Variants in ACSM3 observed in about 807,000 individuals in gnomAD.
The protein encoded by ACSM3 is acyl-CoA synthetase medium chain family member 3.
ACSM3 carries 61 observed loss-of-function variants against 74.1 expected under a neutral mutation model. The ratio of observed to expected loss-of-function variants is 0.82; its 90% CI spans 0.67 to 1.02. The LOEUF is 1.02. ACSM3 is among the 50% of genes least tolerant of loss of function. ACSM3 has a pLI of 0.00. For synonymous variants in ACSM3, 213 were observed against 241.5 expected, an observed-to-expected ratio of 0.88 and a Z score of 1.09; for missense variants, 660 against 697.0, an observed-to-expected ratio of 0.95 and a Z score of 0.60.
At chr16:20,695,479 A>G (rs571448232) in intron 1 of ACSM3, among the ~76,000 whole-genome samples, 1 of 152,282 alleles carries the variant, frequency 6.6e-6, no homozygotes, top group Non-Finnish European at 1.5e-5. Context: ...AGGTCTAAAG[A>G]GAAGGAATGG....
At chr16:20,705,649 G>A (rs1412755868) in intron 1 of ACSM3, among the ~76,000 whole-genome samples, 1 of 151,992 alleles carries the variant, frequency 6.6e-6, no homozygotes, top group African/African-American at 2.4e-5. Flanking sequence ...CCAAAATCCA[G>A]AGTCTCTACA....
chr16:20,779,425 C>CAA (rs3050137), intron 4 of ACSM3, among the ~76,000 whole-genome samples: 56 of 131,978 alleles, frequency 4.2e-4, no homozygotes, highest in East Asian at 1.1e-3. Context: ...AACCCTGTCT[C>CAA]AAAAAAAAAA....
chr16:20,741,600 A>G (rs772263684), intron 1 of ACSM3: 2 of 1,574,356 alleles, frequency 1.3e-6, no homozygotes, highest in South Asian at 2.3e-5. Flanking sequence ...GCAGGTGATG[A>G]GGATGCCCTG....
intron 1 of ACSM3, among the ~76,000 whole-genome samples, chr16:20,685,728 G>C (rs1216239390): frequency 1.3e-5 from 2 of 150,052 alleles, no homozygotes; most frequent in Admixed American, 1.3e-4. Context: ...GCTGAGGTAG[G>C]AGAATTGCTT....
At chr16:20,728,863 T>C (rs1208614158) in intron 1 of ACSM3, among the ~76,000 whole-genome samples, 2 of 152,124 alleles carry the variant, frequency 1.3e-5, no homozygotes, top group Non-Finnish European at 2.9e-5. Flanking sequence ...TTGCAACATT[T>C]TGGGAGGCTG....
intron 4 of ACSM3, among the ~76,000 whole-genome samples, chr16:20,779,419 C>G (rs1476246385): frequency 3.1e-5 from 3 of 97,598 alleles, no homozygotes; most frequent in Non-Finnish European, 7.1e-5. Flanking sequence ...GAGAGAAACC[C>G]TGTCTCAAAA....
intron 1 of ACSM3, among the ~76,000 whole-genome samples, chr16:20,693,758 A>G (rs1282526784): frequency 1.3e-5 from 2 of 152,186 alleles, no homozygotes; most frequent in Non-Finnish European, 2.9e-5. Context: ...GCCCCTGTGT[A>G]TATTTGAGCT....
chr16:20,690,908 T>G, intron 1 of ACSM3: 1 of 1,288,762 alleles, frequency 7.8e-7, no homozygotes, highest in South Asian at 1.4e-5. Context: ...GAAGTAACTT[T>G]GGTTCCATAC....
At chr16:20,746,182 A>G (rs1170833225) in intron 1 of ACSM3, among the ~76,000 whole-genome samples, 1 of 149,802 alleles carries the variant, frequency 6.7e-6, no homozygotes. Flanking sequence ...AGGAAAATCC[A>G]GTAAGATCAG....
At chr16:20,705,806 T>A (rs2079725725) in intron 1 of ACSM3, among the ~76,000 whole-genome samples, 1 of 152,158 alleles carries the variant, frequency 6.6e-6, no homozygotes, top group African/African-American at 2.4e-5. Context: ...AGGATTTCAA[T>A]AACAGTGCTA....
At chr16:20,760,665 CAGAG>C (rs1011488794), upstream of ACSM3, among the ~76,000 whole-genome samples, 1 of 152,080 alleles carries the variant, frequency 6.6e-6, no homozygotes, top group Non-Finnish European at 1.5e-5. Flanking sequence ...CCACTGACCA[CAGAG>C]AGAAGACAGG....
At chr16:20,682,374 T>C in intron 1 of ACSM3, 1 of 1,613,990 alleles carries the variant, frequency 6.2e-7, no homozygotes, top group Non-Finnish European at 8.5e-7. Context: ...AGGGCATCTA[T>C]GGTCACAATG....
At chr16:20,717,203 C>G (rs2079764942) in intron 1 of ACSM3, among the ~76,000 whole-genome samples, 1 of 152,208 alleles carries the variant, frequency 6.6e-6, no homozygotes, top group South Asian at 2.1e-4. Context: ...GGGAAGAAGG[C>G]TGCATCTCTT....
At chr16:20,682,574 G>T (rs1374298161) in intron 1 of ACSM3, 4 of 770,546 alleles carry the variant, frequency 5.2e-6, no homozygotes, top group Non-Finnish European at 8.6e-6. Flanking sequence ...TAAAGTACAG[G>T]CCACAGAACA....
intron 1 of ACSM3, among the ~76,000 whole-genome samples, chr16:20,706,343 T>A (rs1190285196): frequency 6.6e-6 from 1 of 152,218 alleles, no homozygotes; most frequent in Non-Finnish European, 1.5e-5. Flanking sequence ...ACATTACACA[T>A]GTGGGACAAT....
At chr16:20,736,460 C>T (rs117455415) in intron 1 of ACSM3, 1 of 159,324 alleles carries the variant, frequency 6.3e-6, no homozygotes, top group Non-Finnish European at 1.4e-5. Flanking sequence ...TTCTAACCTA[C>T]ATGATCCACA....
At chr16:20,687,831 C>T (rs890292086) in intron 1 of ACSM3, among the ~76,000 whole-genome samples, 24 of 152,004 alleles carry the variant, frequency 1.6e-4, no homozygotes, top group African/African-American at 5.8e-4. Flanking sequence ...TGCCTGTAAA[C>T]CCAGCACTTT....
chr16:20,682,322 A>T, intron 1 of ACSM3: 1 of 1,614,016 alleles, frequency 6.2e-7, no homozygotes, highest in Non-Finnish European at 8.5e-7. Context: ...CTTGGTTTTC[A>T]GAGAGGGGCA....
chr16:20,685,454 C>T (rs2079530630), intron 1 of ACSM3: 2 of 1,552,774 alleles, frequency 1.3e-6, no homozygotes, highest in Non-Finnish European at 1.8e-6. Context: ...AGAAAAAGGG[C>T]ACTTAGTAAA....
Sources: gnomAD v4.1 joint callset for allele counts (sites outside exome capture counted in the v4.1 genomes callset) on GRCh38, gnomAD v4.1.1 for gene constraint, MANE v1.5 for transcripts, NCBI Gene and HGNC (gene_info 2026-07-23, HGNC 2026-07-21) for gene names.